The following LRCH1 variants were observed in gnomAD, a reference collection of about 807,000 sequenced individuals.
The protein encoded by LRCH1 is leucine-rich repeat and calponin homology domain-containing protein 1.
LRCH1 carries 23 observed loss-of-function variants against 94.9 expected under a neutral mutation model. The observed-to-expected ratio is 0.24, with a 90% CI of 0.17 to 0.34. LRCH1 has a LOEUF of 0.34. Among genes scored for constraint, LRCH1 ranks in the 10% least tolerant of loss-of-function variants. The pLI, the probability that LRCH1 is intolerant of heterozygous loss-of-function variation, is 1.00. For synonymous variants in LRCH1, 364 were observed against 354.9 expected (o/e 1.03, Z -0.29); for missense variants, 790 against 945.9 (o/e 0.84, Z 2.16).
chr13:46,664,625 C>T (rs1318350902), intron 2 of LRCH1, among the ~76,000 whole-genome samples: 3 of 152,148 alleles, frequency 2.0e-5, no homozygotes, highest in Admixed American at 6.5e-5. Context: ...AAGAAGGTAT[C>T]GTTGTCATTA....
intron 3 of LRCH1, among the ~76,000 whole-genome samples, chr13:46,671,854 T>G (rs955713143): frequency 7.9e-5 from 12 of 152,172 alleles, no homozygotes; most frequent in African/African-American, 2.9e-4. Context: ...ATGCACAATC[T>G]CTCTGTCATC....
intron 19 of LRCH1, among the ~76,000 whole-genome samples, chr13:46,738,936 C>T (rs1167004999): frequency 5.3e-5 from 8 of 152,192 alleles, no homozygotes; most frequent in African/African-American, 1.7e-4. Context: ...CCACCTCTCT[C>T]CTCTCCCTGC....
intron 15 of LRCH1, among the ~76,000 whole-genome samples, chr13:46,714,301 G>A (rs1872214294): frequency 6.6e-6 from 1 of 151,934 alleles, no homozygotes; most frequent in Admixed American, 6.6e-5. Flanking sequence ...GTGACATGTG[G>A]GAACTTTAAA....
At chr13:46,625,232 C>T (rs1252396647) in intron 1 of LRCH1, among the ~76,000 whole-genome samples, 1 of 152,238 alleles carries the variant, frequency 6.6e-6, no homozygotes, top group African/African-American at 2.4e-5. Context: ...CTTCCATACT[C>T]TTCTATTATC....
chr13:46,634,497 C>T (rs544664272), intron 1 of LRCH1, among the ~76,000 whole-genome samples: 1 of 152,226 alleles, frequency 6.6e-6, no homozygotes, highest in Non-Finnish European at 1.5e-5. Flanking sequence ...CTATTCTCTT[C>T]CTCCCTTCCT....
intron 1 of LRCH1, among the ~76,000 whole-genome samples, chr13:46,643,575 A>T (rs955360225): frequency 6.6e-6 from 1 of 152,062 alleles, no homozygotes; most frequent in Non-Finnish European, 1.5e-5. Context: ...CAGAATCAAA[A>T]CATCTTGATC....
At chr13:46,717,942 A>G (rs921405206) in intron 16 of LRCH1, among the ~76,000 whole-genome samples, 2 of 152,160 alleles carry the variant, frequency 1.3e-5, no homozygotes, top group African/African-American at 4.8e-5. Context: ...AAAGTCCCCA[A>G]AGTTCTGCCC....
At chr13:46,561,959 T>C (rs1182008348) in intron 1 of LRCH1, among the ~76,000 whole-genome samples, 1 of 152,214 alleles carries the variant, frequency 6.6e-6, no homozygotes, top group South Asian at 2.1e-4. Flanking sequence ...TCTGATACTT[T>C]CCCTATGTTT....
intron 4 of LRCH1, among the ~76,000 whole-genome samples, chr13:46,684,793 C>T (rs1054083553): frequency 6.6e-6 from 1 of 152,178 alleles, no homozygotes; most frequent in African/African-American, 2.4e-5. Context: ...AATGAACTAA[C>T]TACTCAGGGC....
chr13:46,623,684 C>T (rs2050907708), intron 1 of LRCH1, among the ~76,000 whole-genome samples: 1 of 134,376 alleles, frequency 7.4e-6, no homozygotes, highest in Non-Finnish European at 1.6e-5. Flanking sequence ...ATTTGTGTAC[C>T]CTGTCTCTGT....
chr13:46,752,690 G>A (rs978908297), exon 19 of LRCH1: 3 of 152,148 alleles, frequency 2.0e-5, no homozygotes, highest in Non-Finnish European at 4.4e-5. Context: ...TTCAGAATGC[G>A]GGGTCCTGAA....
At chr13:46,586,579 A>T (rs1370553450) in intron 1 of LRCH1, among the ~76,000 whole-genome samples, 1 of 151,998 alleles carries the variant, frequency 6.6e-6, no homozygotes, top group Non-Finnish European at 1.5e-5. Context: ...ACCAACACCC[A>T]ACTGATTGTT....
intron 1 of LRCH1, among the ~76,000 whole-genome samples, chr13:46,573,866 A>ATATATATATATATATATATATATTTTTTT: frequency 4.7e-5 from 3 of 63,386 alleles, no homozygotes; most frequent in South Asian, 6.7e-4. Context: ...ATATATATAT[A>ATATATATATATATATATATATATTTTTTT]TTTTTTTTTT....
At chr13:46,608,508 A>G (rs1328118905) in intron 1 of LRCH1, among the ~76,000 whole-genome samples, 1 of 152,210 alleles carries the variant, frequency 6.6e-6, no homozygotes, top group East Asian at 1.9e-4. Flanking sequence ...TCTTTTAATA[A>G]CAAGTATTTG....
intron 1 of LRCH1, among the ~76,000 whole-genome samples, chr13:46,593,231 C>G (rs1039140045): frequency 6.7e-6 from 1 of 149,028 alleles, no homozygotes. Flanking sequence ...TTCAACAAGA[C>G]TTGAAATAAA....
intron 1 of LRCH1, among the ~76,000 whole-genome samples, chr13:46,619,173 G>A (rs746430933): frequency 3.3e-5 from 5 of 149,510 alleles, no homozygotes; most frequent in South Asian, 4.2e-4. Context: ...GCAGTGGCAC[G>A]ATCTCAGCTC....
At chr13:46,691,010 T>C (rs1423551191) in intron 7 of LRCH1, among the ~76,000 whole-genome samples, 5 of 152,216 alleles carry the variant, frequency 3.3e-5, no homozygotes, top group Non-Finnish European at 4.4e-5. Context: ...TGTGGAGCTC[T>C]ATGAATATTT....
chr13:46,596,021 T>C (rs191160433), intron 1 of LRCH1, among the ~76,000 whole-genome samples: 17 of 152,360 alleles, frequency 1.1e-4, no homozygotes, highest in African/African-American at 4.1e-4. Context: ...CAAAAAGGCT[T>C]TTAAATACAA....
intron 1 of LRCH1, among the ~76,000 whole-genome samples, chr13:46,640,038 G>A (rs1290091627): frequency 6.6e-6 from 1 of 152,188 alleles, no homozygotes; most frequent in Non-Finnish European, 1.5e-5. Context: ...ACTGAACCAA[G>A]CCATATAGTT....
Sources: gnomAD v4.1 joint callset for allele counts (sites outside exome capture counted in the v4.1 genomes callset) on GRCh38, gnomAD v4.1.1 for gene constraint, MANE v1.5 for transcripts, NCBI Gene and HGNC (gene_info 2026-07-23, HGNC 2026-07-21) for gene names.